The following FANCC variants were observed in gnomAD, a reference collection of about 807,000 sequenced individuals.
FANCC encodes the protein FA complementation group C, also known as Fanconi anemia group C protein.
In FANCC, 55 loss-of-function variants were observed where a neutral mutation model predicts 71.3. The observed-to-expected ratio is 0.77, with a 90% CI of 0.62 to 0.97. The LOEUF (loss-of-function observed/expected upper bound fraction) is 0.97, where lower values mean the gene tolerates loss of function less well. FANCC is among the 50% of genes least tolerant of loss of function. The pLI is 0.00. For missense variants in FANCC, 678 were observed against 670.9 expected (o/e 1.01, Z -0.12); for synonymous variants, 275 against 244.9 (o/e 1.12, Z -1.15).
At chr9:95,131,517 T>G (rs1324842728) in intron 8 of FANCC, among the ~76,000 whole-genome samples, 1 of 152,220 alleles carries the variant, frequency 6.6e-6, no homozygotes, top group Non-Finnish European at 1.5e-5. Context: ...GAGACTATGC[T>G]GGAGGATCTG....
intron 1 of FANCC, among the ~76,000 whole-genome samples, chr9:95,253,850 C>T (rs1290419358): frequency 1.3e-5 from 2 of 152,184 alleles, no homozygotes; most frequent in Non-Finnish European, 2.9e-5. Context: ...CACTTCAGAT[C>T]ATCAGGCATT....
chr9:95,191,743 C>T (rs1827130260), intron 4 of FANCC, among the ~76,000 whole-genome samples: 2 of 152,156 alleles, frequency 1.3e-5, no homozygotes, highest in Non-Finnish European at 2.9e-5. Context: ...ATGTTACCTT[C>T]GACTCATCCT....
chr9:95,246,229 G>A (rs1297537417), intron 3 of FANCC, among the ~76,000 whole-genome samples: 2 of 152,182 alleles, frequency 1.3e-5, no homozygotes, highest in Non-Finnish European at 2.9e-5. Flanking sequence ...TAGGGGTTGG[G>A]GGAAGAGGTA....
intron 1 of FANCC, among the ~76,000 whole-genome samples, chr9:95,280,884 C>T (rs1833347291): frequency 6.6e-6 from 1 of 152,004 alleles, no homozygotes; most frequent in Non-Finnish European, 1.5e-5. Context: ...AAACAGAAAT[C>T]CAGGAGCTAA....
intron 4 of FANCC, among the ~76,000 whole-genome samples, chr9:95,200,112 A>C (rs987830140): frequency 2.0e-5 from 3 of 152,216 alleles, no homozygotes; most frequent in African/African-American, 7.2e-5. Context: ...GATGAATGCA[A>C]ACAGATGCTA....
chr9:95,162,662 G>T (rs992188439), intron 6 of FANCC, among the ~76,000 whole-genome samples: 7 of 152,170 alleles, frequency 4.6e-5, no homozygotes, highest in Non-Finnish European at 1.0e-4. Context: ...TCTAATAGGT[G>T]TGAACTGGTA....
intron 1 of FANCC, among the ~76,000 whole-genome samples, chr9:95,251,040 G>A (rs1831299277): frequency 6.6e-6 from 1 of 152,056 alleles, no homozygotes; most frequent in South Asian, 2.1e-4. Flanking sequence ...AGCTCACCAC[G>A]GTCCAGCCCA....
At chr9:95,222,815 C>T (rs746001678) in intron 4 of FANCC, among the ~76,000 whole-genome samples, 1 of 152,090 alleles carries the variant, frequency 6.6e-6, no homozygotes, top group Non-Finnish European at 1.5e-5. Flanking sequence ...CAGTCTGATG[C>T]ATATATATTT....
rs1338835525 is a variant in FANCC, at chr9:95,172,021, A to C, written c.456+16T>G. 2 of 1,476,988 alleles carry C rather than the reference A, an allele frequency of 1.4e-6. No individual in the cohort carries two copies. The highest frequency in any genetic ancestry group is 2.8e-5 in the African/African-American group (2 of 71,872). 91.5% of individuals were successfully genotyped at this position (1,476,988 alleles called of 1,614,324 possible). A position where few individuals can be genotyped will look rare whatever the true frequency, so the allele number is the denominator to read the frequency against. ...AGCATTAAACATTTCAAAAGTGATA[A>C]ATTTTAAATACTCACATTTTTAAGC... is the stretch of plus-strand genomic sequence containing the variant. On this transcript the variant is annotated intron_variant, in intron 5 of 14. Coordinates refer to ENST00000289081, the MANE Select transcript of FANCC (RefSeq NM_000136.3).
In FANCC at chr9:95,121,766, A is replaced by C. The variant is rs2072897185; in HGVS notation, c.996+3320T>G. Among the ~76,000 whole-genome samples, 3 of 152,338 alleles carry C rather than the reference A, an allele frequency of 2.0e-5. No homozygotes were observed. In the South Asian group the frequency reaches 6.2e-4, roughly 32 times the overall value. Reference sequence around the variant, plus strand: ...TGTTTGTTTTATATAGTGCAAAAACAACCAAAACTAAACAAAACATTGTTT... The same window carrying C: ...TGTTTGTTTTATATAGTGCAAAAACCACCAAAACTAAACAAAACATTGTTT... On this transcript the variant is annotated intron_variant, in intron 10 of 14. Transcript: ENST00000289081.
At chr9:95,221,298 A>T (rs1458334250) in intron 4 of FANCC, among the ~76,000 whole-genome samples, 1 of 152,204 alleles carries the variant, frequency 6.6e-6, no homozygotes, top group Non-Finnish European at 1.5e-5. Context: ...GAACAAATGG[A>T]AATCTAGACC....
chr9:95,232,863 A>G lies in FANCC; in HGVS notation c.345+7786T>C, dbSNP rs140022893. On this transcript the variant is annotated intron_variant, in intron 4 of 14. Transcript: ENST00000289081. Reference sequence around the variant, plus strand: ...CTCATGGTTCCACATGACCAACAGCAACTTCAGGGATTATGTGCTACTTAA... The same window carrying G: ...CTCATGGTTCCACATGACCAACAGCGACTTCAGGGATTATGTGCTACTTAA... Among the ~76,000 whole-genome samples the G allele has an allele frequency of 2.2e-4, 34 of 152,328 alleles. No individual in the cohort carries two copies. The East Asian group carries it at 6.0e-3, about 27-fold the overall frequency.
intron 3 of FANCC, 101 bp downstream of exon 3, chr9:95,247,331 T>TAAAA: frequency 8.0e-6 from 6 of 751,838 alleles, no homozygotes; most frequent in Admixed American, 2.3e-5. Flanking sequence ...GTTGTTCCAT[T>TAAAA]AAAAAAAAAA....
In FANCC at chr9:95,249,161, A is replaced by T; in HGVS notation, c.131T>A (p.Phe44Tyr). 1 of 1,614,058 alleles carries T rather than the reference A, an allele frequency of 6.2e-7. No individual in the cohort carries two copies. Among genetic ancestry groups the T allele is most frequent in the Non-Finnish European group, 8.5e-7 (1 of 1,179,966 alleles). Residue 44 changes from phenylalanine to tyrosine, a missense_variant, in exon 2 of 15, where the codon TTC becomes TAC. By Grantham distance (22) the Phe-to-Tyr change is conservative (BLOSUM62 3). Coordinates refer to ENST00000289081, the MANE Select transcript of FANCC (RefSeq NM_000136.3). ...TCLHVAQFQE[F>Y]LRKMYEALKE... ...CAAGGCTTCATACATCTTCCTTAGG[A>T]ACTCCTGGAACTGAGCCACGTGAAG...
chr9:95,110,928 C>T, intron 13 of FANCC: 1 of 1,328,902 alleles, frequency 7.5e-7, no homozygotes, highest in Non-Finnish European at 9.6e-7. Flanking sequence ...TGACCAACTT[C>T]TTTTTCAGAA....
At position 95,101,684 on chromosome 9, in the gene FANCC, C is replaced by T. The variant is rs1564634825; in HGVS notation, c.*23G>A. 6.2e-7 allele frequency: 1 copy of T among 1,612,960 alleles called. No homozygotes were observed. Among genetic ancestry groups the T allele is most frequent in the Non-Finnish European group, 8.5e-7 (1 of 1,179,860 alleles). ...GGCGAGCCTGATCCCTCACGCCGGGCACCCACACGGCCTGCGTGCCTTCTA... is the reference window on the plus strand; with the variant it reads ...GGCGAGCCTGATCCCTCACGCCGGGTACCCACACGGCCTGCGTGCCTTCTA... On this transcript the variant is annotated 3_prime_UTR_variant, in exon 15 of 15. Coordinates refer to ENST00000289081, the MANE Select transcript of FANCC (RefSeq NM_000136.3).
chr9:95,128,568 G>C (rs1021062294), intron 8 of FANCC, among the ~76,000 whole-genome samples: 19 of 152,308 alleles, frequency 1.2e-4, no homozygotes, highest in African/African-American at 3.6e-4. Flanking sequence ...GTAGATTAGG[G>C]CTACTATGAA....
chr9:95,131,751 T>G (rs1826945893), intron 8 of FANCC, among the ~76,000 whole-genome samples: 1 of 152,176 alleles, frequency 6.6e-6, no homozygotes, highest in Admixed American at 6.5e-5. Flanking sequence ...AAAAGCTACT[T>G]AAGCACAGCA....
chr9:95,225,600 C>T (rs1177064414), intron 4 of FANCC, among the ~76,000 whole-genome samples: 1 of 152,064 alleles, frequency 6.6e-6, no homozygotes, highest in Non-Finnish European at 1.5e-5. Flanking sequence ...ACAGGTCATC[C>T]GGAGAACATC....
Sources: gnomAD v4.1 joint callset for allele counts (sites outside exome capture counted in the v4.1 genomes callset) on GRCh38, gnomAD v4.1.1 for gene constraint, MANE v1.5 for transcripts, NCBI Gene and HGNC (gene_info 2026-07-23, HGNC 2026-07-21) for gene names.